The following SYNE1 variants were observed in gnomAD, a reference collection of about 807,000 sequenced individuals.
SYNE1 encodes the protein spectrin repeat containing nuclear envelope protein 1.
SYNE1 carries 616 observed loss-of-function variants against 1,111.0 expected under a neutral mutation model. That is an observed-to-expected ratio of 0.55 (90% CI 0.52 to 0.59). The LOEUF is 0.59. SYNE1 is among the 20% of genes least tolerant of loss of function. The probability of loss-of-function intolerance (pLI) is 0.00; values close to 1 mark genes in which losing one functional copy is unlikely to be tolerated. For missense variants in SYNE1, 10,006 were observed against 10,417.0 expected (o/e 0.96, Z 1.72); for synonymous variants, 3,855 against 3,825.8 (o/e 1.01, Z -0.28).
chr6:152,495,004 A>G (rs1160290636), intron 11 of SYNE1, among the ~76,000 whole-genome samples: 1 of 152,176 alleles, frequency 6.6e-6, no homozygotes, highest in East Asian at 1.9e-4. Flanking sequence ...TTGACCAAGG[A>G]AAATTCCTCC....
chr6:152,353,651 T>G lies in SYNE1; in HGVS notation c.11020A>C (p.Arg3674=), dbSNP rs1457346937. The change falls in exon 68 of 146, where the codon AGA becomes CGA. Residue 3674 remains arginine, a synonymous_variant. Transcript: ENST00000367255. ...EILDESHVNS[R]MGCQATQLTS... ...AGCTGGGTGGCCTGGCAACCCATTC[T>G]GCTGTTCACGTGGCTCTCGTCCAGT... 6.2e-7 allele frequency: 1 copy of G among 1,614,228 alleles called. No homozygotes were observed. The highest frequency in any genetic ancestry group is 8.5e-7 in the Non-Finnish European group (1 of 1,180,044).
At position 152,300,723 on chromosome 6, in the gene SYNE1, T is replaced by C; in HGVS notation, c.17600A>G (p.Glu5867Gly). 1.2e-6 allele frequency: 2 copies of C among 1,614,134 alleles called. No individual in the cohort carries two copies. Among genetic ancestry groups the C allele is most frequent in the Non-Finnish European group, 1.7e-6 (2 of 1,180,010 alleles). The change falls in exon 93 of 146, where the codon GAG becomes GGG. Residue 5867 changes from glutamate to glycine, a missense_variant. Physicochemically the swap from Glu to Gly is moderately conservative, Grantham distance 98. Around this residue, in one of 7 missense-constraint regions of SYNE1, gnomAD observed 4,955 missense variants for 5,017.2 expected, o/e 0.99. Coordinates refer to ENST00000367255, the MANE Select transcript of SYNE1 (RefSeq NM_182961.4). Reference protein sequence around the residue: ...LSPVTEESGEEGTNSEISSPP... With the variant: ...LSPVTEESGEGGTNSEISSPP... ...AGAGGAAATCTCACTGTTGGTTCCCTCCTCCCCAGACTCCTCAGTGACCGG... is the reference window on the plus strand; with the variant it reads ...AGAGGAAATCTCACTGTTGGTTCCCCCCTCCCCAGACTCCTCAGTGACCGG...
intron 4 of SYNE1, among the ~76,000 whole-genome samples, chr6:152,530,714 C>T (rs563524777): frequency 2.6e-5 from 4 of 151,872 alleles, no homozygotes; most frequent in African/African-American, 7.2e-5. Flanking sequence ...CTCTGCCTCC[C>T]GGGTTCATGC....
At chr6:152,247,863 C>T (rs1036480650) in intron 105 of SYNE1, among the ~76,000 whole-genome samples, 1 of 52,868 alleles carries the variant, frequency 1.9e-5, no homozygotes. Flanking sequence ...TTAACACACA[C>T]ACACACACAC....
intron 133 of SYNE1, among the ~76,000 whole-genome samples, chr6:152,153,252 G>T (rs1204031402): frequency 6.6e-6 from 1 of 152,098 alleles, no homozygotes; most frequent in Non-Finnish European, 1.5e-5. Context: ...AAAGGGAGTG[G>T]TAAGGAAAGT....
intron 78 of SYNE1, among the ~76,000 whole-genome samples, chr6:152,328,525 C>T (rs981877335): frequency 2.6e-5 from 4 of 151,848 alleles, no homozygotes; most frequent in Non-Finnish European, 5.9e-5. Flanking sequence ...ACTGCCTCAG[C>T]CTCCCAAATA....
intron 66 of SYNE1, among the ~76,000 whole-genome samples, chr6:152,356,779 T>C (rs1027503464): frequency 1.3e-5 from 2 of 152,080 alleles, no homozygotes; most frequent in Non-Finnish European, 2.9e-5. Context: ...TGGCTCACAA[T>C]AGAAAATGTA....
intron 4 of SYNE1, 119 bp downstream of exon 4, chr6:152,539,841 T>C (rs2099260896): frequency 9.0e-7 from 1 of 1,111,128 alleles, no homozygotes; most frequent in Admixed American, 1.7e-5. Flanking sequence ...CCAATAAGAT[T>C]ACAGTATCAT....
intron 3 of SYNE1, among the ~76,000 whole-genome samples, chr6:152,577,692 T>A (rs139592390): frequency 1.3e-5 from 2 of 152,090 alleles, no homozygotes; most frequent in South Asian, 4.2e-4. Flanking sequence ...ACTCTGGTGA[T>A]TTTCCAGACG....
At chr6:152,301,788 T>C (rs1589607988) in intron 92 of SYNE1, 81 bp downstream of exon 92, 1 of 1,436,358 alleles carries the variant, frequency 7.0e-7, no homozygotes, top group Non-Finnish European at 9.3e-7. Context: ...GTCCCTGAAA[T>C]CAGCCACGGA....
intron 96 of SYNE1, among the ~76,000 whole-genome samples, chr6:152,283,398 C>T (rs1484618762): frequency 6.6e-6 from 1 of 152,166 alleles, no homozygotes; most frequent in Non-Finnish European, 1.5e-5. Context: ...CTTCACAAGG[C>T]TCATGTCTAC....
At chr6:152,409,802 G>A (rs941911644) in intron 42 of SYNE1, 93 bp from the exon 43 acceptor site, 3 of 1,348,912 alleles carry the variant, frequency 2.2e-6, no homozygotes, top group East Asian at 2.3e-5. Context: ...ACTACGTAAA[G>A]GTATTAATAC....
chr6:152,575,433 A>G (rs1039534906), intron 3 of SYNE1, among the ~76,000 whole-genome samples: 2 of 152,212 alleles, frequency 1.3e-5, no homozygotes, highest in Non-Finnish European at 2.9e-5. Flanking sequence ...AGAGGTCTGC[A>G]TTGGAACACA....
At chr6:152,456,301 T>G (rs761009232) in intron 22 of SYNE1, among the ~76,000 whole-genome samples, 1 of 152,012 alleles carries the variant, frequency 6.6e-6, no homozygotes, top group African/African-American at 2.4e-5. Context: ...AAATACCTCA[T>G]GTACATTTTA....
chr6:152,244,200 CT>C (rs1254051832), intron 106 of SYNE1, among the ~76,000 whole-genome samples: 3 of 151,956 alleles, frequency 2.0e-5, no homozygotes, highest in African/African-American at 7.3e-5. Context: ...GTAGATATCC[CT>C]TTTTTAAATT....
In SYNE1 at chr6:152,413,985, A is replaced by AATATATAT. The variant is rs3046241; in HGVS notation, c.6051-462_6051-455dup. ...AAATTAGCTTTACTGAGCTCTGCAG[A>AATATATAT]ATATATATATATATATATATATACT... On this transcript the variant is annotated intron_variant, in intron 41 of 145. Coordinates refer to ENST00000367255, the MANE Select transcript of SYNE1 (RefSeq NM_182961.4). 2.1e-5 allele frequency among the ~76,000 whole-genome samples: 3 copies of AATATATAT among 145,516 alleles called. No homozygotes were observed. In the Admixed American group the frequency reaches 2.1e-4, roughly 10 times the overall value.
At chr6:152,185,827 G>A (rs1242339485) in intron 128 of SYNE1, among the ~76,000 whole-genome samples, 1 of 152,150 alleles carries the variant, frequency 6.6e-6, no homozygotes, top group East Asian at 1.9e-4. Flanking sequence ...ACATATGAAT[G>A]ACTACTTTAG....
chr6:152,293,670 G>A lies in SYNE1; in HGVS notation c.17930C>T (p.Thr5977Met), dbSNP rs767144952. 62 of 1,613,840 alleles carry A rather than the reference G, an allele frequency of 3.8e-5. No individual in the cohort carries two copies. The highest frequency in any genetic ancestry group is 1.1e-4 in the African/African-American group (8 of 74,894). ...KYQDSLQSISTKMEAIELKLS... is the reference protein window; with the variant it reads ...KYQDSLQSISMKMEAIELKLS... The stretch of plus-strand genomic sequence containing the variant: ...TTTCAGCTCAATGGCCTCCATCTTC[G>A]TAGAGATGGACTGGAGGGAGTCCTG... The change falls in exon 95 of 146, where the codon ACG becomes ATG. Residue 5977 changes from threonine (T) to methionine (M), a missense_variant. Physicochemically the swap from Thr to Met is moderately conservative, Grantham distance 81. Coordinates refer to ENST00000367255, the MANE Select transcript of SYNE1 (RefSeq NM_182961.4).
At chr6:152,610,560 G>A (rs2099628349) in intron 3 of SYNE1, among the ~76,000 whole-genome samples, 1 of 152,202 alleles carries the variant, frequency 6.6e-6, no homozygotes, top group South Asian at 2.1e-4. Flanking sequence ...AACCAAGTTG[G>A]AAAACACTCT....
Sources: allele counts gnomAD v4.1 joint callset (sites outside exome capture counted in the v4.1 genomes callset), GRCh38; gene constraint gnomAD v4.1.1; regional missense constraint gnomAD v4.1.1; transcripts MANE v1.5; gene names NCBI Gene and HGNC (gene_info 2026-07-23, HGNC 2026-07-21).